Variants in PBX1 observed in about 807,000 individuals in gnomAD.
The protein encoded by PBX1 is PBX homeobox 1.
PBX1 carries 6 observed loss-of-function variants against 53.4 expected under a neutral mutation model. The ratio of observed to expected loss-of-function variants is 0.11; its 90% confidence interval spans 0.06 to 0.22. The LOEUF is 0.22. Ranked by LOEUF, PBX1 falls within the 10% of genes least tolerant of loss-of-function variation. The pLI, the probability that PBX1 is intolerant of heterozygous loss-of-function variation, is 1.00. For missense variants in PBX1, 251 were observed against 551.4 expected, an observed-to-expected ratio of 0.46 and a Z score of 5.46; for synonymous variants, 204 against 212.3, an observed-to-expected ratio of 0.96 and a Z score of 0.34.
intron 8 of PBX1, among the ~76,000 whole-genome samples, chr1:164,833,484 A>T (rs1266032708): frequency 6.6e-6 from 1 of 152,200 alleles, no homozygotes; most frequent in Non-Finnish European, 1.5e-5. Context: ...ACATCTCATA[A>T]GCCCACTCAT....
chr1:164,869,932 C>T (rs533406651), intron 2 of PBX1, among the ~76,000 whole-genome samples: 7 of 152,240 alleles, frequency 4.6e-5, no homozygotes, highest in East Asian at 1.9e-4. Context: ...TTTCAAGGAA[C>T]GGCATGGAGG....
chr1:164,622,551 C>G (rs1657751760), intron 2 of PBX1, among the ~76,000 whole-genome samples: 1 of 152,188 alleles, frequency 6.6e-6, no homozygotes, highest in South Asian at 2.1e-4. Flanking sequence ...GAATTAAGCA[C>G]TTGATGTGCA....
intron 4 of PBX1, among the ~76,000 whole-genome samples, chr1:164,801,380 T>C (rs1472308912): frequency 2.0e-5 from 3 of 151,966 alleles, no homozygotes; most frequent in Middle Eastern, 3.4e-3. Flanking sequence ...ACCCTGCATG[T>C]ATTGCTTACA....
At chr1:164,794,119 C>T (rs1668669682) in intron 3 of PBX1, among the ~76,000 whole-genome samples, 1 of 152,042 alleles carries the variant, frequency 6.6e-6, no homozygotes, top group African/African-American at 2.4e-5. Context: ...AGGTGATCCA[C>T]CTGCTTCGGC....
intron 2 of PBX1, among the ~76,000 whole-genome samples, chr1:164,767,604 T>C (rs533675023): frequency 8.2e-4 from 124 of 151,930 alleles, no homozygotes; most frequent in Non-Finnish European, 1.5e-3. Context: ...GAATTCTGAT[T>C]TGGAGCAAAG....
At chr1:164,878,230 C>T (rs1384285840) in intron 2 of PBX1, among the ~76,000 whole-genome samples, 1 of 152,100 alleles carries the variant, frequency 6.6e-6, no homozygotes, top group African/African-American at 2.4e-5. Flanking sequence ...ATAATTAAAA[C>T]TACATTATAG....
At chr1:164,642,545 G>T (rs1426349713) in intron 2 of PBX1, 1 of 152,196 alleles carries the variant, frequency 6.6e-6, no homozygotes, top group Non-Finnish European at 1.5e-5. Flanking sequence ...GCCTAGGATA[G>T]TACTGTATCC....
intron 2 of PBX1, among the ~76,000 whole-genome samples, chr1:164,720,994 T>C (rs1288963792): frequency 1.3e-5 from 2 of 152,180 alleles, no homozygotes; most frequent in Non-Finnish European, 2.9e-5. Context: ...GCCTCTCTCT[T>C]CAGAAGCATG....
chr1:164,623,558 C>G (rs1044460888), intron 2 of PBX1, among the ~76,000 whole-genome samples: 1 of 152,232 alleles, frequency 6.6e-6, no homozygotes, highest in Non-Finnish European at 1.5e-5. Context: ...ATCTCACTGC[C>G]AAAGTCGTGC....
intron 2 of PBX1, among the ~76,000 whole-genome samples, chr1:164,651,491 C>T (rs1414537111): frequency 1.3e-5 from 2 of 152,028 alleles, no homozygotes; most frequent in Non-Finnish European, 2.9e-5. Flanking sequence ...TAATGAATTC[C>T]GCTGTGGCTG....
At chr1:164,730,442 A>C (rs1664915233) in intron 2 of PBX1, among the ~76,000 whole-genome samples, 1 of 152,168 alleles carries the variant, frequency 6.6e-6, no homozygotes, top group Non-Finnish European at 1.5e-5. Context: ...GAAACAGTTA[A>C]GTGCTACTTT....
intron 2 of PBX1, among the ~76,000 whole-genome samples, chr1:164,632,504 AGC>A (rs1269425916): frequency 6.6e-6 from 1 of 152,156 alleles, no homozygotes; most frequent in African/African-American, 2.4e-5. Context: ...TAGGATGAAA[AGC>A]CAACATCAAT....
intron 2 of PBX1, among the ~76,000 whole-genome samples, chr1:164,634,451 C>G (rs964821451): frequency 2.0e-5 from 3 of 152,312 alleles, no homozygotes; most frequent in East Asian, 3.9e-4. Flanking sequence ...ATTTCATGAA[C>G]ACTTTGAAAA....
At chr1:164,590,583 CT>C in intron 2 of PBX1, 1 of 423,352 alleles carries the variant, frequency 2.4e-6, no homozygotes, top group Non-Finnish European at 4.8e-6. Flanking sequence ...GATCTATTGC[CT>C]TTTCCTCCCC....
At chr1:164,817,094 T>G (rs944146075) in intron 6 of PBX1, 13 of 152,202 alleles carry the variant, frequency 8.5e-5, no homozygotes, top group African/African-American at 2.9e-4. Flanking sequence ...GCTGCTTGCC[T>G]TCCTTCCCAA....
At chr1:164,870,341 CTTTCTTT>C (rs1672347729) in intron 2 of PBX1, among the ~76,000 whole-genome samples, 2 of 104,078 alleles carry the variant, frequency 1.9e-5, no homozygotes, top group African/African-American at 4.1e-5. Context: ...TTCTTTCTTT[CTTTCTTT>C]CTTTCTTTCT....
intron 2 of PBX1, among the ~76,000 whole-genome samples, chr1:164,762,284 GCCCTAGGT>G (rs1394090849): frequency 2.0e-5 from 3 of 152,186 alleles, no homozygotes; most frequent in Non-Finnish European, 4.4e-5. Flanking sequence ...GAGCTCTGAT[GCCCTAGGT>G]CAATACAGGT....
intron 2 of PBX1, among the ~76,000 whole-genome samples, chr1:164,619,380 G>A (rs1657520510): frequency 6.6e-6 from 1 of 152,120 alleles, no homozygotes; most frequent in African/African-American, 2.4e-5. Flanking sequence ...GCCCCAAACT[G>A]CACTTTGTTG....
intron 2 of PBX1, among the ~76,000 whole-genome samples, chr1:164,749,928 T>C (rs1666105595): frequency 1.3e-5 from 2 of 152,052 alleles, no homozygotes; most frequent in Non-Finnish European, 2.9e-5. Context: ...AGTAAGACTG[T>C]GTCTCTACAA....
Sources: gnomAD v4.1 joint callset for allele counts (sites outside exome capture counted in the v4.1 genomes callset) on GRCh38, gnomAD v4.1.1 for gene constraint, MANE v1.5 for transcripts, NCBI Gene and HGNC (gene_info 2026-07-23, HGNC 2026-07-21) for gene names.